Variants in SLC44A5 observed in about 807,000 individuals in gnomAD.
The protein encoded by SLC44A5 is choline transporter-like protein 5.
In SLC44A5, 57 loss-of-function variants were observed where a neutral mutation model predicts 101.8. That is an observed-to-expected ratio of 0.56 (90% CI 0.45 to 0.70). The LOEUF is 0.70. Among genes scored for constraint, SLC44A5 ranks in the 30% least tolerant of loss-of-function variants. The probability of loss-of-function intolerance (pLI) is 0.00; values close to 1 mark genes in which losing one functional copy is unlikely to be tolerated. For missense variants in SLC44A5, 737 were observed against 853.1 expected (o/e 0.86, Z 1.70); for synonymous variants, 281 against 290.9 (o/e 0.97, Z 0.35).
intron 2 of SLC44A5, among the ~76,000 whole-genome samples, chr1:75,431,157 C>A (rs1343138064): frequency 6.6e-6 from 1 of 152,120 alleles, no homozygotes; most frequent in African/African-American, 2.4e-5. Context: ...AAGAGCCAAT[C>A]CAATACTTGA....
In SLC44A5 at chr1:75,238,618, G is replaced by C; in HGVS notation, c.551C>G (p.Pro184Arg). Reference protein sequence around the residue: ...PSKPFLQRCFPDFSTKNGTLT... With the variant: ...PSKPFLQRCFRDFSTKNGTLT... ...AGTGCCATTTTTGGTAGAGAAGTCA[G>C]GGAAACATCTCTGGAGAACTGTAAA... Residue 184 changes from proline to arginine, a missense_variant, in exon 10 of 24, where the codon CCT becomes CGT. Coordinates refer to ENST00000370859, the MANE Select transcript of SLC44A5 (RefSeq NM_001130058.2). The C allele has an allele frequency of 1.3e-6, 2 of 1,571,876 alleles. No individual in the cohort carries two copies. Among genetic ancestry groups the C allele is most frequent in the Non-Finnish European group, 1.7e-6 (2 of 1,154,172 alleles).
At chr1:75,318,947 CT>C (rs768828845) in intron 4 of SLC44A5, among the ~76,000 whole-genome samples, 27 of 152,146 alleles carry the variant, frequency 1.8e-4, no homozygotes, top group Admixed American at 3.9e-4. Flanking sequence ...CCAACCCCCC[CT>C]GCCAACGCAC....
At chr1:75,722,952 T>A in the SLC44A5 span, among the ~76,000 whole-genome samples, 9 of 152,366 alleles carry the variant, frequency 5.9e-5, no homozygotes, top group Non-Finnish European at 1.2e-4. Context: ...TGCCCTGGCA[T>A]GCTTATACTG....
At chr1:75,264,349 C>A (rs1051368499) in intron 6 of SLC44A5, among the ~76,000 whole-genome samples, 1 of 152,180 alleles carries the variant, frequency 6.6e-6, no homozygotes, top group East Asian at 1.9e-4. Flanking sequence ...GGCAGGGCTG[C>A]CACACGTTTA....
chr1:75,373,325 G>A (rs1570027457), intron 3 of SLC44A5, among the ~76,000 whole-genome samples: 2 of 152,184 alleles, frequency 1.3e-5, no homozygotes, highest in Admixed American at 1.3e-4. Context: ...CCAGCTCCTG[G>A]CCCTCAACAG....
intron 2 of SLC44A5, among the ~76,000 whole-genome samples, chr1:75,448,138 T>C: frequency 6.6e-6 from 1 of 152,216 alleles, no homozygotes; most frequent in Non-Finnish European, 1.5e-5. Context: ...TTTGGCTAAG[T>C]TGCTGTAACA....
chr1:75,441,187 C>T (rs1346057078), intron 2 of SLC44A5, among the ~76,000 whole-genome samples: 1 of 152,064 alleles, frequency 6.6e-6, no homozygotes, highest in Non-Finnish European at 1.5e-5. Flanking sequence ...GCATGACTTT[C>T]AAACCAGTAG....
At chr1:75,655,420 G>T in the SLC44A5 span, among the ~76,000 whole-genome samples, 2 of 152,204 alleles carry the variant, frequency 1.3e-5, no homozygotes, top group South Asian at 4.1e-4. Flanking sequence ...GAGGAAAGTG[G>T]GTCCTGACTG....
intron 1 of SLC44A5, among the ~76,000 whole-genome samples, chr1:75,546,961 C>A (rs1671682520): frequency 6.6e-6 from 1 of 152,086 alleles, no homozygotes; most frequent in Non-Finnish European, 1.5e-5. Flanking sequence ...ATCACAGCAA[C>A]ATGAATTCTG....
intron 21 of SLC44A5, 25 bp downstream of exon 21, chr1:75,213,894 T>A (rs768858520): frequency 3.2e-6 from 5 of 1,540,104 alleles, no homozygotes; most frequent in East Asian, 4.5e-5. Flanking sequence ...CTTTTTTTTT[T>A]ATTATTTTCA....
rs75184752 is a variant in SLC44A5 at position 75,260,370 on chromosome 1, C to T, written c.261-9076G>A. 2.9e-3 allele frequency among the ~76,000 whole-genome samples: 445 copies of T among 152,144 alleles called. 5 individuals carry two copies. The highest frequency in any genetic ancestry group is 0.01 in the African/African-American group (416 of 41,486). On this transcript the variant is annotated intron_variant, in intron 6 of 23. Coordinates refer to ENST00000370859, the MANE Select transcript of SLC44A5 (RefSeq NM_001130058.2). Reference sequence around the variant, plus strand: ...ATGGAAAGCAAAAAAGCAGGGGTTGCAATCCTAGTCTCTGATAAAACAGAC... The same window carrying T: ...ATGGAAAGCAAAAAAGCAGGGGTTGTAATCCTAGTCTCTGATAAAACAGAC...
chr1:75,605,681 C>T (rs1398746665), intron 1 of SLC44A5, among the ~76,000 whole-genome samples: 1 of 151,894 alleles, frequency 6.6e-6, no homozygotes, highest in African/African-American at 2.4e-5. Context: ...TTATAAAATT[C>T]GATTATACTA....
chr1:75,690,986 A>T, the SLC44A5 span, among the ~76,000 whole-genome samples: 7 of 142,594 alleles, frequency 4.9e-5, no homozygotes, highest in African/African-American at 1.7e-4. Context: ...AAAGAAGAAA[A>T]TAAAGGAAAA....
intron 1 of SLC44A5, among the ~76,000 whole-genome samples, chr1:75,586,997 C>G (rs1268038237): frequency 1.3e-5 from 2 of 151,976 alleles, no homozygotes; most frequent in East Asian, 3.9e-4. Flanking sequence ...CAGTGGTTCT[C>G]AAAATGCAGA....
chr1:75,300,004 G>GCC, intron 5 of SLC44A5, among the ~76,000 whole-genome samples: 2 of 103,964 alleles, frequency 1.9e-5, no homozygotes, highest in Non-Finnish European at 3.4e-5. Flanking sequence ...AACACAGTGA[G>GCC]ACTCTGTCTC....
the SLC44A5 span, among the ~76,000 whole-genome samples, chr1:75,694,909 C>T: frequency 2.3e-4 from 35 of 152,098 alleles, no homozygotes; most frequent in Non-Finnish European, 3.2e-4. Context: ...TTGGTTGGGA[C>T]GCTCAGCATT....
In SLC44A5 at chr1:75,217,966, C is replaced by A. The variant is rs760802691; in HGVS notation, c.1530-6G>T. On this transcript the variant is annotated splice_polypyrimidine_tract_variant and splice_region_variant and intron_variant, in intron 17 of 23. Coordinates refer to ENST00000370859, the MANE Select transcript of SLC44A5 (RefSeq NM_001130058.2). ...CTAGGGATCCTGTGTGATATCTGCA[C>A]AAAAATAAAATGAGAATAAGTTAAA... 2.8e-5 allele frequency: 44 copies of A among 1,550,274 alleles called. No homozygotes were observed. The highest frequency in any genetic ancestry group is 3.8e-5 in the Non-Finnish European group (43 of 1,125,408).
intron 6 of SLC44A5, among the ~76,000 whole-genome samples, chr1:75,273,634 T>C (rs1651677188): frequency 6.6e-6 from 1 of 152,144 alleles, no homozygotes; most frequent in South Asian, 2.1e-4. Flanking sequence ...TTGAGATTGA[T>C]CACACAATTT....
intron 2 of SLC44A5, among the ~76,000 whole-genome samples, chr1:75,431,985 G>A (rs981382432): frequency 3.9e-5 from 6 of 152,234 alleles, no homozygotes; most frequent in Middle Eastern, 3.4e-3. Flanking sequence ...TCTTGCCTAT[G>A]TGTAGACAGT....
Sources: allele counts gnomAD v4.1 joint callset (sites outside exome capture counted in the v4.1 genomes callset), GRCh38; gene constraint gnomAD v4.1.1; transcripts MANE v1.5; gene names NCBI Gene and HGNC (gene_info 2026-07-23, HGNC 2026-07-21).